BABAM2: variants seen among roughly 807,000 people sequenced by gnomAD.
BABAM2 encodes BRISC and BRCA1 A complex member 2.
BABAM2 carries 31 observed loss-of-function variants against 54.7 expected under a neutral mutation model. The ratio of observed to expected loss-of-function variants is 0.57; its 90% CI spans 0.43 to 0.77. The LOEUF (loss-of-function observed/expected upper bound fraction) is 0.77, where lower values mean the gene tolerates loss of function less well. Among genes scored for constraint, BABAM2 ranks in the 30% least tolerant of loss-of-function variants. BABAM2 has a pLI of 0.00. For synonymous variants in BABAM2, 167 were observed against 162.9 expected (o/e 1.03, Z -0.19); for missense variants, 364 against 455.8 (o/e 0.80, Z 1.83).
At chr2:28,327,185 C>T (rs1690540534) in intron 11 of BABAM2, 5 of 1,385,274 alleles carry the variant, frequency 3.6e-6, no homozygotes, top group Non-Finnish European at 4.9e-6. Context: ...CCGGTGGAGG[C>T]TCAGGAGCCC....
intron 6 of BABAM2, among the ~76,000 whole-genome samples, chr2:28,080,646 T>C (rs907902535): frequency 3.3e-5 from 5 of 152,222 alleles, no homozygotes; most frequent in Non-Finnish European, 1.5e-5. Flanking sequence ...TTCTGTAGAC[T>C]ACATTGTTAA....
At chr2:28,290,685 A>G (rs1687215790) in intron 10 of BABAM2, among the ~76,000 whole-genome samples, 1 of 152,204 alleles carries the variant, frequency 6.6e-6, no homozygotes, top group South Asian at 2.1e-4. Context: ...GGCGAATTAA[A>G]ATCACTTGAG....
At chr2:28,277,960 A>T (rs539751496) in intron 10 of BABAM2, among the ~76,000 whole-genome samples, 1 of 152,346 alleles carries the variant, frequency 6.6e-6, no homozygotes, top group African/African-American at 2.4e-5. Context: ...CCTAGAGCTC[A>T]GTCTTGGAAG....
At chr2:28,313,288 G>T (rs923112497) in intron 11 of BABAM2, among the ~76,000 whole-genome samples, 9 of 152,246 alleles carry the variant, frequency 5.9e-5, no homozygotes, top group Non-Finnish European at 1.2e-4. Context: ...AGAGAAGAAG[G>T]AGTATTGTAA....
At chr2:28,326,900 T>C (rs976172140) in intron 11 of BABAM2, among the ~76,000 whole-genome samples, 2 of 142,128 alleles carry the variant, frequency 1.4e-5, no homozygotes, top group East Asian at 4.2e-4. Context: ...TTGTAATGTT[T>C]GACCTCGGCA....
chr2:28,063,388 G>A lies in BABAM2; in HGVS notation c.570+17589G>A, dbSNP rs547099524. The stretch of plus-strand genomic sequence containing the variant: ...ATGTTTTAATAATGTTTTACTTAAC[G>A]CATTATACTCAAAATATCATTTCAA... On this transcript the variant is annotated intron_variant, in intron 6 of 11. Coordinates refer to ENST00000379624, the MANE Select transcript of BABAM2 (RefSeq NM_199191.3). Among the ~76,000 whole-genome samples, 5 of 152,242 alleles carry A rather than the reference G, an allele frequency of 3.3e-5. No individual in the cohort carries two copies. The East Asian group carries it at 5.8e-4, about 18-fold the overall frequency.
At chr2:28,312,722 G>A (rs1689184623) in intron 11 of BABAM2, among the ~76,000 whole-genome samples, 1 of 151,880 alleles carries the variant, frequency 6.6e-6, no homozygotes, top group Non-Finnish European at 1.5e-5. Flanking sequence ...TGACAGTGGG[G>A]GCCAGTCACA....
chr2:28,009,229 C>CAGT (rs1384351253), intron 4 of BABAM2, among the ~76,000 whole-genome samples: 1 of 152,090 alleles, frequency 6.6e-6, no homozygotes, highest in Non-Finnish European at 1.5e-5. Context: ...CATACTTAAT[C>CAGT]AGTGTATCAG....
At chr2:27,897,025 T>A (rs1228854663) in intron 2 of BABAM2, 1 of 155,532 alleles carries the variant, frequency 6.4e-6, no homozygotes, top group Middle Eastern at 8.0e-4. Context: ...GGCAAAGCAA[T>A]GTGCATGTCA....
chr2:28,152,437 C>T (rs1481107151), intron 7 of BABAM2, among the ~76,000 whole-genome samples: 1 of 152,194 alleles, frequency 6.6e-6, no homozygotes, highest in African/African-American at 2.4e-5. Flanking sequence ...CTTTCTCCTC[C>T]TCCAAGTCTA....
chr2:27,914,833 A>AG (rs1335294654), intron 2 of BABAM2, among the ~76,000 whole-genome samples: 6 of 152,094 alleles, frequency 3.9e-5, no homozygotes, highest in African/African-American at 1.4e-4. Flanking sequence ...TACTCTGTAC[A>AG]GATATCTCTA....
At chr2:28,044,707 C>T (rs570098012) in intron 5 of BABAM2, among the ~76,000 whole-genome samples, 146 of 152,286 alleles carry the variant, frequency 9.6e-4, no homozygotes, top group Non-Finnish European at 1.2e-3. Context: ...TTGTGCTGCT[C>T]ATTTTTTAAA....
chr2:27,938,004 G>A (rs1298174789), intron 3 of BABAM2, among the ~76,000 whole-genome samples: 1 of 152,178 alleles, frequency 6.6e-6, no homozygotes, highest in Non-Finnish European at 1.5e-5. Context: ...GTAAGGGCTA[G>A]TGTTACTCCT....
chr2:27,925,520 C>T (rs1386439376), intron 2 of BABAM2, among the ~76,000 whole-genome samples: 1 of 152,086 alleles, frequency 6.6e-6, no homozygotes, highest in Admixed American at 6.5e-5. Context: ...CCTGGTGAGA[C>T]CAGTAAGCAT....
chr2:28,220,079 T>C (rs1680260531), intron 7 of BABAM2, among the ~76,000 whole-genome samples: 1 of 152,218 alleles, frequency 6.6e-6, no homozygotes, highest in South Asian at 2.1e-4. Flanking sequence ...CCAAACAAGT[T>C]TGTGTGGTAA....
At chr2:28,311,421 A>G (rs944682154) in intron 11 of BABAM2, among the ~76,000 whole-genome samples, 3 of 152,278 alleles carry the variant, frequency 2.0e-5, no homozygotes, top group East Asian at 3.9e-4. Context: ...CAGGTGTCCT[A>G]TAGAGTTAGA....
At chr2:28,112,154 C>CTTTCTTTCTTTCTT (rs1668140306) in intron 6 of BABAM2, among the ~76,000 whole-genome samples, 1 of 12,526 alleles carries the variant, frequency 8.0e-5, no homozygotes, top group Non-Finnish European at 1.8e-4. Flanking sequence ...TCTTTACCTC[C>CTTTCTTTCTTTCTT]CTCCCTCCCT....
At chr2:28,221,508 C>G (rs1680417776) in intron 7 of BABAM2, among the ~76,000 whole-genome samples, 1 of 152,124 alleles carries the variant, frequency 6.6e-6, no homozygotes, top group Non-Finnish European at 1.5e-5. Context: ...ATATTACATA[C>G]TATTCTGCAG....
chr2:27,970,087 G>A (rs1241747269), intron 3 of BABAM2, among the ~76,000 whole-genome samples: 2 of 151,706 alleles, frequency 1.3e-5, no homozygotes, highest in African/African-American at 4.8e-5. Context: ...TAATTTTTTT[G>A]GTATATAGTC....
Sources: allele counts gnomAD v4.1 joint callset (sites outside exome capture counted in the v4.1 genomes callset), GRCh38; gene constraint gnomAD v4.1.1; transcripts MANE v1.5; gene names NCBI Gene and HGNC (gene_info 2026-07-23, HGNC 2026-07-21).